ADGRB3: variants seen among roughly 807,000 people sequenced by gnomAD.
ADGRB3 encodes the protein brain-specific angiogenesis inhibitor 3.
In ADGRB3, 37 loss-of-function variants were observed where a neutral mutation model predicts 193.4. The observed-to-expected ratio is 0.19, with a 90% CI of 0.15 to 0.25. The LOEUF (loss-of-function observed/expected upper bound fraction) is 0.25, where lower values mean the gene tolerates loss of function less well. ADGRB3 is among the 10% of genes least tolerant of loss of function. The pLI, the probability that ADGRB3 is intolerant of heterozygous loss-of-function variation, is 1.00. For synonymous variants in ADGRB3, 690 were observed against 644.2 expected (o/e 1.07, Z -1.08); for missense variants, 1,637 against 1,852.9 (o/e 0.88, Z 2.14).
At chr6:68,789,480 G>A (rs1378917542) in intron 3 of ADGRB3, among the ~76,000 whole-genome samples, 2 of 152,148 alleles carry the variant, frequency 1.3e-5, no homozygotes, top group Non-Finnish European at 2.9e-5. Flanking sequence ...TTGAATATTG[G>A]TCCCCACACT....
intron 30 of ADGRB3, among the ~76,000 whole-genome samples, chr6:69,379,359 T>C (rs181242766): frequency 1.1e-4 from 16 of 152,096 alleles, no homozygotes; most frequent in Admixed American, 7.2e-4. Flanking sequence ...AGATAAACCC[T>C]AATGTCACTA....
chr6:68,938,479 A>G (rs1320090410), intron 5 of ADGRB3, among the ~76,000 whole-genome samples: 1 of 148,200 alleles, frequency 6.7e-6, no homozygotes, highest in East Asian at 2.1e-4. Flanking sequence ...TATGTTGTGA[A>G]ATGGTTAAAT....
chr6:68,739,506 C>G (rs946750718), intron 3 of ADGRB3, among the ~76,000 whole-genome samples: 3 of 151,950 alleles, frequency 2.0e-5, no homozygotes, highest in Non-Finnish European at 4.4e-5. Context: ...CTTCAGATAG[C>G]AGAATGAAGG....
intron 17 of ADGRB3, among the ~76,000 whole-genome samples, chr6:69,118,882 T>A (rs1304827941): frequency 6.6e-6 from 1 of 152,158 alleles, no homozygotes; most frequent in Non-Finnish European, 1.5e-5. Context: ...TATAGCAAAA[T>A]TACTCTTTGG....
At chr6:69,294,342 A>G (rs1280807266) in intron 20 of ADGRB3, among the ~76,000 whole-genome samples, 2 of 152,102 alleles carry the variant, frequency 1.3e-5, no homozygotes, top group Non-Finnish European at 1.5e-5. Context: ...TTCATAAGTC[A>G]TATTTCAAAA....
At chr6:68,975,372 T>G in intron 10 of ADGRB3, 32 bp downstream of exon 10, 2 of 1,534,832 alleles carry the variant, frequency 1.3e-6, no homozygotes, top group Non-Finnish European at 1.8e-6. Flanking sequence ...GTACTTGCTC[T>G]GTTTATTTTT....
At chr6:68,863,883 G>T (rs1765222763) in intron 3 of ADGRB3, among the ~76,000 whole-genome samples, 1 of 152,028 alleles carries the variant, frequency 6.6e-6, no homozygotes. Flanking sequence ...GGGGATATTT[G>T]TGGGATAAAG....
At chr6:68,665,019 G>C (rs908001999) in intron 3 of ADGRB3, among the ~76,000 whole-genome samples, 2 of 151,722 alleles carry the variant, frequency 1.3e-5, no homozygotes, top group Non-Finnish European at 2.9e-5. Context: ...GATTCTTTAA[G>C]TCACGAGATC....
At chr6:68,748,527 C>A (rs1365227334) in intron 3 of ADGRB3, among the ~76,000 whole-genome samples, 1 of 152,208 alleles carries the variant, frequency 6.6e-6, no homozygotes, top group Admixed American at 6.5e-5. Flanking sequence ...CCAGGTCACA[C>A]TGGTGCAAGA....
chr6:68,698,270 G>A (rs921294593), intron 3 of ADGRB3, among the ~76,000 whole-genome samples: 2 of 151,874 alleles, frequency 1.3e-5, no homozygotes, highest in Non-Finnish European at 2.9e-5. Flanking sequence ...GCGGAAAACT[G>A]GGAAAGGTCA....
At chr6:69,230,925 T>G (rs960629608) in intron 17 of ADGRB3, among the ~76,000 whole-genome samples, 2 of 152,188 alleles carry the variant, frequency 1.3e-5, no homozygotes, top group Non-Finnish European at 2.9e-5. Context: ...TCAGATAAAG[T>G]CAGTGAGGGG....
chr6:69,172,516 T>C (rs866550898), intron 17 of ADGRB3, among the ~76,000 whole-genome samples: 1 of 149,748 alleles, frequency 6.7e-6, no homozygotes, highest in African/African-American at 2.4e-5. Flanking sequence ...TGGTGGCGGG[T>C]GCCTGTAGTC....
chr6:68,790,137 C>A (rs533021815), intron 3 of ADGRB3, among the ~76,000 whole-genome samples: 141 of 152,234 alleles, frequency 9.3e-4, no homozygotes, highest in Middle Eastern at 3.4e-3. Context: ...TCATCTGAAG[C>A]CTTCTTCTCT....
chr6:69,325,861 A>T (rs1454414287), intron 21 of ADGRB3, among the ~76,000 whole-genome samples: 2 of 152,210 alleles, frequency 1.3e-5, no homozygotes, highest in African/African-American at 2.4e-5. Context: ...ATGTCTAGCT[A>T]ATAAATTAGG....
At chr6:69,168,577 A>G (rs963648492) in intron 17 of ADGRB3, among the ~76,000 whole-genome samples, 1 of 152,108 alleles carries the variant, frequency 6.6e-6, no homozygotes, top group Non-Finnish European at 1.5e-5. Flanking sequence ...CCACCAGTCC[A>G]ACCACAGCTT....
intron 17 of ADGRB3, among the ~76,000 whole-genome samples, chr6:69,132,865 C>A (rs1774049224): frequency 6.6e-6 from 1 of 152,236 alleles, no homozygotes; most frequent in African/African-American, 2.4e-5. Context: ...TTTCTAGACA[C>A]CATTTATTAA....
chr6:68,807,301 G>T (rs1258815213), intron 3 of ADGRB3, among the ~76,000 whole-genome samples: 7 of 138,722 alleles, frequency 5.0e-5, no homozygotes, highest in Admixed American at 1.6e-4. Context: ...AGTGTGGCGC[G>T]ATCTCAGCTC....
intron 17 of ADGRB3, among the ~76,000 whole-genome samples, chr6:69,158,667 T>A (rs1316116802): frequency 6.6e-6 from 1 of 152,110 alleles, no homozygotes; most frequent in Non-Finnish European, 1.5e-5. Context: ...GATGCCCTCA[T>A]TTCATAAGTC....
chr6:68,825,149 G>T (rs372189281), intron 3 of ADGRB3, among the ~76,000 whole-genome samples: 1 of 152,002 alleles, frequency 6.6e-6, no homozygotes, highest in South Asian at 2.1e-4. Flanking sequence ...GAGCCACTGT[G>T]CCCCGCCAAT....
Sources: gnomAD v4.1 joint callset for allele counts (sites outside exome capture counted in the v4.1 genomes callset) on GRCh38, gnomAD v4.1.1 for gene constraint, MANE v1.5 for transcripts, NCBI Gene and HGNC (gene_info 2026-07-23, HGNC 2026-07-21) for gene names.